CABIN1: variants seen among roughly 807,000 people sequenced by gnomAD.
CABIN1 encodes the protein calcineurin binding protein 1, also known as calcineurin-binding protein cabin-1.
Under a neutral mutation model 227.7 loss-of-function variants are expected in CABIN1, and 133 were observed. The observed-to-expected ratio is 0.58, with a 90% CI of 0.51 to 0.67. The LOEUF is 0.67. Ranked by LOEUF, CABIN1 falls within the 30% of genes least tolerant of loss-of-function variation. The pLI is 0.00. For synonymous variants in CABIN1, 1,086 were observed against 1,155.1 expected, an observed-to-expected ratio of 0.94 and a Z score of 1.21; for missense variants, 2,408 against 2,852.5, an observed-to-expected ratio of 0.84 and a Z score of 3.55.
chr22:24,025,718 G>C (rs6004044), intron 1 of CABIN1, among the ~76,000 whole-genome samples: 1 of 152,084 alleles, frequency 6.6e-6, no homozygotes, highest in South Asian at 2.1e-4. Context: ...TCTGTCACCC[G>C]GGCTGAAGTG....
intron 33 of CABIN1, among the ~76,000 whole-genome samples, chr22:24,169,079 G>A (rs1012576732): frequency 6.6e-6 from 1 of 151,970 alleles, no homozygotes; most frequent in Non-Finnish European, 1.5e-5. Context: ...GGAGGGGGGG[G>A]CGGGGTCCAA....
At chr22:24,130,377 G>A (rs2043999548) in intron 28 of CABIN1, among the ~76,000 whole-genome samples, 1 of 152,192 alleles carries the variant, frequency 6.6e-6, no homozygotes. Context: ...CAGAGTCCTT[G>A]CAGCCTGGAC....
Position 24,123,268 on chromosome 22 carries a change from G to A in CABIN1, c.4632+3570G>A, listed in dbSNP as rs536358930. 5.9e-5 allele frequency among the ~76,000 whole-genome samples: 9 copies of A among 152,088 alleles called. No individual in the cohort carries two copies. The South Asian group carries it at 1.9e-3, about 32-fold the overall frequency. On this transcript the variant is annotated intron_variant, in intron 28 of 36. Transcript: ENST00000263119. ...GCTTTTCTGTTCGTTGCATTCCCAGGCTGAGTTCCTTGGTTCTCAGAAATG... is the reference window on the plus strand; with the variant it reads ...GCTTTTCTGTTCGTTGCATTCCCAGACTGAGTTCCTTGGTTCTCAGAAATG...
intron 6 of CABIN1, 88 bp downstream of exon 6, chr22:24,043,172 G>A: frequency 8.3e-7 from 1 of 1,198,276 alleles, no homozygotes; most frequent in Non-Finnish European, 1.2e-6. Flanking sequence ...GAAAGCCAAA[G>A]TTAACACTGA....
chr22:24,158,469 G>C (rs1482627198), intron 29 of CABIN1, among the ~76,000 whole-genome samples: 3 of 152,222 alleles, frequency 2.0e-5, no homozygotes, highest in Non-Finnish European at 2.9e-5. Context: ...GAAGGGCTCT[G>C]TGGTCATTTT....
At chr22:24,036,956 G>T (rs545532439) in intron 3 of CABIN1, among the ~76,000 whole-genome samples, 1 of 152,074 alleles carries the variant, frequency 6.6e-6, no homozygotes, top group East Asian at 1.9e-4. Flanking sequence ...GCAGAGTGGT[G>T]AGTAGAAAAA....
intron 1 of CABIN1, among the ~76,000 whole-genome samples, chr22:24,033,918 C>G (rs977102577): frequency 6.6e-6 from 1 of 152,190 alleles, no homozygotes; most frequent in Non-Finnish European, 1.5e-5. Context: ...CCCCAGTTGT[C>G]CTTCTCTCCA....
chr22:24,100,297 C>T (rs2042129115), intron 26 of CABIN1, among the ~76,000 whole-genome samples: 1 of 152,230 alleles, frequency 6.6e-6, no homozygotes, highest in South Asian at 2.1e-4. Flanking sequence ...AGCTGCCTCA[C>T]CTCTGAGAGA....
chr22:24,176,226 G>A lies in CABIN1; in HGVS notation c.6156G>A (p.Trp2052Ter). ...PTSSPAEPHC[W>*]PAEAALGTGA... ...GTTCCCCGGCAGAGCCACACTGCTG[G>A]CCGGCAGAGGCTGCCCTGGGCACAG... The change falls in exon 35 of 37, where the codon TGG (tryptophan) becomes TGA (stop). Residue 2052 changes from tryptophan to a stop codon, truncating the protein, a stop_gained. Coordinates refer to ENST00000263119, the MANE Select transcript of CABIN1 (RefSeq NM_012295.4). LOFTEE classifies it high-confidence loss of function. 1 of 1,609,680 alleles carries A rather than the reference G, an allele frequency of 6.2e-7. No homozygotes were observed. The highest frequency in any genetic ancestry group is 8.5e-7 in the Non-Finnish European group (1 of 1,178,810).
intron 29 of CABIN1, among the ~76,000 whole-genome samples, chr22:24,157,122 A>C (rs1245073800): frequency 1.3e-5 from 2 of 152,270 alleles, no homozygotes; most frequent in South Asian, 4.1e-4. Context: ...GCCTGTGTAC[A>C]ACCCTGCGGC....
At chr22:24,014,124 A>G (rs2035054046) in intron 1 of CABIN1, among the ~76,000 whole-genome samples, 1 of 152,110 alleles carries the variant, frequency 6.6e-6, no homozygotes, top group African/African-American at 2.4e-5. Flanking sequence ...TTCTCCACAA[A>G]TTTGCTCCCT....
At chr22:24,076,412 G>T in intron 19 of CABIN1, 128 bp downstream of exon 19, 1 of 735,250 alleles carries the variant, frequency 1.4e-6, no homozygotes, top group African/African-American at 1.7e-5. Flanking sequence ...TGGGCCCACT[G>T]TGTGTCTTTG....
In CABIN1 at chr22:24,177,059, C is replaced by T. The variant is rs746053343; in HGVS notation, c.6206-445C>T. 3.9e-5 allele frequency among the ~76,000 whole-genome samples: 6 copies of T among 152,336 alleles called. No individual in the cohort carries two copies. The highest frequency in any genetic ancestry group is 6.5e-5 in the Admixed American group (1 of 15,310). On this transcript the variant is annotated intron_variant, in intron 35 of 36. Transcript: ENST00000263119. This position sits in a 1 kb window ranked among gnomAD's most constrained non-coding sequence, Gnocchi z 4.4. ...CCCTTGCTCCCACTGGAGGATGAGG[C>T]GAAAGTGGATGCCCTGGGGCCAGCT... is the stretch of plus-strand genomic sequence containing the variant.
chr22:24,081,110 G>A (rs532186567), intron 19 of CABIN1, among the ~76,000 whole-genome samples: 2 of 152,278 alleles, frequency 1.3e-5, no homozygotes, highest in African/African-American at 4.8e-5. Flanking sequence ...AACAAAACTT[G>A]TGGACGCTAA....
At chr22:24,042,822 G>GTGTGTA (rs2037493516) in intron 5 of CABIN1, 82 bp from the exon 6 acceptor site, 1 of 352,260 alleles carries the variant, frequency 2.8e-6, no homozygotes, top group Non-Finnish European at 5.2e-6. Context: ...ATCTGACTGT[G>GTGTGTA]TGTGTGTGTG....
chr22:24,146,337 T>C (rs2045113820), intron 29 of CABIN1, among the ~76,000 whole-genome samples: 2 of 152,236 alleles, frequency 1.3e-5, no homozygotes, highest in African/African-American at 2.4e-5. Context: ...GTGTGGATTC[T>C]AAATGTATCC....
chr22:24,072,058 C>G (rs1296618461), intron 17 of CABIN1, among the ~76,000 whole-genome samples: 1 of 152,298 alleles, frequency 6.6e-6, no homozygotes, highest in East Asian at 1.9e-4. Context: ...GCTCTCTTCT[C>G]TCTGGGCTCT....
intron 29 of CABIN1, among the ~76,000 whole-genome samples, chr22:24,142,781 C>G (rs1602320199): frequency 6.6e-6 from 1 of 152,332 alleles, no homozygotes; most frequent in South Asian, 2.1e-4. Flanking sequence ...GGTAAACAAG[C>G]CCCAGGACTG....
chr22:24,102,781 A>G (rs2147514289), intron 26 of CABIN1, among the ~76,000 whole-genome samples: 1 of 152,204 alleles, frequency 6.6e-6, no homozygotes, highest in East Asian at 1.9e-4. Context: ...ATGCCTACCT[A>G]GTCCCACTGA....
Sources: gnomAD v4.1 joint callset for allele counts (sites outside exome capture counted in the v4.1 genomes callset) on GRCh38, gnomAD v4.1.1 for gene constraint, Gnocchi (gnomAD v3.1) non-coding constraint, MANE v1.5 for transcripts, NCBI Gene and HGNC (gene_info 2026-07-23, HGNC 2026-07-21) for gene names.